The following GRAMD1B variants were observed in gnomAD, a reference collection of about 807,000 sequenced individuals.
GRAMD1B encodes protein Aster-B.
A neutral mutation model predicts 99.7 loss-of-function variants in GRAMD1B; 37 were observed. That is an observed-to-expected ratio of 0.37 (90% CI 0.29 to 0.49). GRAMD1B has a LOEUF of 0.49. Ranked by LOEUF, GRAMD1B falls within the 20% of genes least tolerant of loss-of-function variation. The probability of loss-of-function intolerance (pLI) is 0.98; values close to 1 mark genes in which losing one functional copy is unlikely to be tolerated. For missense variants in GRAMD1B, 888 were observed against 1,009.2 expected (o/e 0.88, Z 1.63); for synonymous variants, 427 against 387.6 (o/e 1.10, Z -1.19).
chr11:123,559,534 C>T (rs1175678224), intron 2 of GRAMD1B: 1 of 208,782 alleles, frequency 4.8e-6, no homozygotes, highest in East Asian at 1.8e-4. Flanking sequence ...TTATTAATAT[C>T]GTTGCTGAAT....
chr11:123,508,491 T>G (rs1032080243), intron 2 of GRAMD1B, among the ~76,000 whole-genome samples: 5 of 152,176 alleles, frequency 3.3e-5, no homozygotes, highest in African/African-American at 1.2e-4. Flanking sequence ...CATTGTAAAT[T>G]ATGGAGCACT....
intron 11 of GRAMD1B, 146 bp downstream of exon 11, chr11:123,606,944 A>G (rs983089260): frequency 2.1e-5 from 13 of 619,788 alleles, no homozygotes; most frequent in Non-Finnish European, 3.4e-5. Flanking sequence ...ACCTGTTATT[A>G]GTTTACATCC....
intron 2 of GRAMD1B, among the ~76,000 whole-genome samples, chr11:123,495,750 C>T (rs1218534676): frequency 6.9e-6 from 1 of 145,604 alleles, no homozygotes; most frequent in Non-Finnish European, 1.5e-5. Context: ...GATTTGAGGT[C>T]ACTATGAGGC....
At chr11:123,358,475 G>A (rs924799058) in exon 1 of GRAMD1B, 1 of 152,140 alleles carries the variant, frequency 6.6e-6, no homozygotes, top group Non-Finnish European at 1.5e-5. Flanking sequence ...CGGAGAGCGG[G>A]GGAGTTCCGC....
chr11:123,488,300 A>G (rs953626020), intron 2 of GRAMD1B, among the ~76,000 whole-genome samples: 3 of 152,170 alleles, frequency 2.0e-5, no homozygotes, highest in African/African-American at 7.2e-5. Flanking sequence ...GCTCCCAAAT[A>G]TTCTTGTGAG....
chr11:123,397,306 G>A (rs140828126), intron 1 of GRAMD1B, among the ~76,000 whole-genome samples: 8,225 of 152,154 alleles, frequency 0.054, 722 homozygotes, highest in African/African-American at 0.19. Context: ...TACTCGGGAG[G>A]CTGAGGCAAG....
At chr11:123,409,899 G>A (rs563382513) in intron 1 of GRAMD1B, among the ~76,000 whole-genome samples, 7 of 152,306 alleles carry the variant, frequency 4.6e-5, no homozygotes, top group African/African-American at 7.2e-5. Context: ...CTCGCCTCAC[G>A]CTTTCCTTTA....
Position 123,492,109 on chromosome 11 carries a change from A to C in GRAMD1B, c.452+11216A>C, listed in dbSNP as rs1290615172. On this transcript the variant is annotated intron_variant, in intron 2 of 19. Coordinates refer to ENST00000635736, the MANE Select transcript of GRAMD1B (RefSeq NM_001387025.1). This position sits in a 1 kb window ranked among gnomAD's most constrained non-coding sequence, Gnocchi z 4.2. ...AGGCCAAGGGGTATGGGTGGCTGGG[A>C]TGTTGACTGGGAGACTGAGTCTGTG... 1.0e-5 allele frequency: 4 copies of C among 393,672 alleles called. No homozygotes were observed. In the Admixed American group the frequency reaches 1.8e-4, roughly 17 times the overall value. 24.4% of individuals were successfully genotyped at this position (393,672 alleles called of 1,614,324 possible). A position where few individuals can be genotyped will look rare whatever the true frequency, so the allele number is the denominator to read the frequency against.
chr11:123,455,303 C>G (rs1273250585), intron 1 of GRAMD1B, among the ~76,000 whole-genome samples: 1 of 151,982 alleles, frequency 6.6e-6, no homozygotes, highest in East Asian at 1.9e-4. Flanking sequence ...TTTATAAAAA[C>G]GAGGGTCTTA....
At chr11:123,472,836 A>C (rs1187816050) in intron 1 of GRAMD1B, among the ~76,000 whole-genome samples, 14 of 152,166 alleles carry the variant, frequency 9.2e-5, no homozygotes, top group Non-Finnish European at 1.8e-4. Flanking sequence ...TGGCAAAGAG[A>C]AGGGAAGATG....
intron 1 of GRAMD1B, among the ~76,000 whole-genome samples, chr11:123,388,476 C>A (rs1947152996): frequency 6.6e-6 from 1 of 151,894 alleles, no homozygotes; most frequent in East Asian, 1.9e-4. Context: ...AGTTTGAGAC[C>A]AGCCTGGGCA....
intron 3 of GRAMD1B, chr11:123,578,559 G>A (rs1022591334): frequency 3.3e-5 from 23 of 707,384 alleles, no homozygotes; most frequent in African/African-American, 3.2e-4. Context: ...TTTCCCAGAA[G>A]GGCCGGCCCC....
intron 1 of GRAMD1B, among the ~76,000 whole-genome samples, chr11:123,405,744 G>A (rs953967043): frequency 2.0e-5 from 3 of 152,170 alleles, no homozygotes; most frequent in African/African-American, 7.2e-5. Context: ...CTGTACAAGG[G>A]GAGAGGGCAT....
chr11:123,431,958 A>G (rs1378030062), intron 1 of GRAMD1B: 1 of 397,484 alleles, frequency 2.5e-6, no homozygotes, highest in African/African-American at 2.1e-5. Flanking sequence ...GGTGGAGGGC[A>G]GGGAGTCCTC....
chr11:123,475,798 T>G (rs1415104337), intron 1 of GRAMD1B, among the ~76,000 whole-genome samples: 1 of 152,148 alleles, frequency 6.6e-6, no homozygotes, highest in Non-Finnish European at 1.5e-5. Context: ...ACTAAGGCCT[T>G]GACTAATCTG....
At position 123,493,239 on chromosome 11, in the gene GRAMD1B, C is replaced by G. The variant is rs372351073; in HGVS notation, c.452+12346C>G. On this transcript the variant is annotated intron_variant, in intron 2 of 19. Transcript: ENST00000635736. ...TTCATCCTCTCTGAATGTTTCCTTTCTGAAAAATGAAGATAATTGTACTTA... is the reference window on the plus strand; with the variant it reads ...TTCATCCTCTCTGAATGTTTCCTTTGTGAAAAATGAAGATAATTGTACTTA... Among the ~76,000 whole-genome samples, 15 of 152,254 alleles carry G rather than the reference C, an allele frequency of 9.9e-5. No homozygotes were observed. The East Asian group carries it at 1.5e-3, about 16-fold the overall frequency.
rs80091082 is a variant in GRAMD1B at position 123,584,722 on chromosome 11, C to T, written c.684+390C>T. Among the ~76,000 whole-genome samples, 262 of 152,184 alleles carry T rather than the reference C, an allele frequency of 1.7e-3. 1 individual carries two copies. Among genetic ancestry groups the T allele is most frequent in the African/African-American group, 6.0e-3 (247 of 41,490 alleles). On this transcript the variant is annotated intron_variant, in intron 4 of 19. Coordinates refer to ENST00000635736, the MANE Select transcript of GRAMD1B (RefSeq NM_001387025.1). Reference sequence around the variant, plus strand: ...CCTTAACATTTTGGGGCAAATGCAGCGAGAAAACTTTCCCCCATTGATAGA... The same window carrying T: ...CCTTAACATTTTGGGGCAAATGCAGTGAGAAAACTTTCCCCCATTGATAGA...
At chr11:123,379,147 G>A (rs779742727) in intron 1 of GRAMD1B, among the ~76,000 whole-genome samples, 25 of 152,254 alleles carry the variant, frequency 1.6e-4, no homozygotes, top group Non-Finnish European at 1.3e-4. Flanking sequence ...CCAAATTCTC[G>A]CTTACTGCAG....
chr11:123,417,568 T>C (rs1169216020), intron 1 of GRAMD1B, among the ~76,000 whole-genome samples: 2 of 152,178 alleles, frequency 1.3e-5, no homozygotes, highest in African/African-American at 4.8e-5. Flanking sequence ...GGCATCAGCA[T>C]TGATGTTTAC....
Sources: gnomAD v4.1 joint callset for allele counts (sites outside exome capture counted in the v4.1 genomes callset) on GRCh38, gnomAD v4.1.1 for gene constraint, Gnocchi (gnomAD v3.1) non-coding constraint, MANE v1.5 for transcripts, NCBI Gene and HGNC (gene_info 2026-07-23, HGNC 2026-07-21) for gene names.